SPEF2: variants seen among roughly 807,000 people sequenced by gnomAD.
SPEF2 encodes sperm flagella and cilia-associated protein 2.
SPEF2 carries 187 observed loss-of-function variants against 224.6 expected under a neutral mutation model. The ratio of observed to expected loss-of-function variants is 0.83; its 90% CI spans 0.74 to 0.94. The LOEUF is 0.94. Ranked by LOEUF, SPEF2 falls within the 40% of genes least tolerant of loss-of-function variation. SPEF2 has a pLI of 0.00. For synonymous variants in SPEF2, 715 were observed against 707.3 expected (o/e 1.01, Z -0.17); for missense variants, 2,170 against 2,135.6 (o/e 1.02, Z -0.32).
intron 20 of SPEF2, among the ~76,000 whole-genome samples, chr5:35,719,421 G>A (rs140500470): frequency 6.6e-6 from 1 of 152,150 alleles, no homozygotes; most frequent in South Asian, 2.1e-4. Context: ...TGCATAAAGT[G>A]CAGCAAGAAT....
intron 33 of SPEF2, among the ~76,000 whole-genome samples, chr5:35,797,247 A>G (rs1756789134): frequency 6.6e-6 from 1 of 151,790 alleles, no homozygotes; most frequent in African/African-American, 2.4e-5. Flanking sequence ...GAAAGGAACA[A>G]AGTCAGCAGC....
chr5:35,725,301 G>C (rs1744441643), intron 20 of SPEF2, among the ~76,000 whole-genome samples: 1 of 152,066 alleles, frequency 6.6e-6, no homozygotes, highest in South Asian at 2.1e-4. Context: ...TGACCCCCAA[G>C]GCAATAAGAA....
At position 35,776,267 on chromosome 5, in the gene SPEF2, GC is replaced by G; in HGVS notation, c.4090del (p.Gln1364AsnfsTer6). 6.2e-7 allele frequency: 1 copy of G among 1,603,560 alleles called. No individual in the cohort carries two copies. The highest frequency in any genetic ancestry group is 8.5e-7 in the Non-Finnish European group (1 of 1,176,660). ...TCTCTTTGCAAATAGAAATAGCCACGCAATTTCGACTTGAACTGATAAAGAC... is the reference window on the plus strand; with the variant it reads ...TCTCTTTGCAAATAGAAATAGCCACGAATTTCGACTTGAACTGATAAAGAC... ...AALQFEEIATQFRLELIKTKA... is the reference protein window; with the variant it reads ...AALQFEEIATXFRLELIKTKA... On this transcript the variant is annotated frameshift_variant, in exon 29 of 37. Coordinates refer to ENST00000356031, the MANE Select transcript of SPEF2 (RefSeq NM_024867.4). LOFTEE classifies it high-confidence loss of function.
intron 25 of SPEF2, 126 bp from the exon 26 acceptor site, chr5:35,763,396 C>A (rs1751615939): frequency 1.1e-6 from 1 of 887,540 alleles, no homozygotes; most frequent in Non-Finnish European, 1.6e-6. Context: ...TAAAATAATT[C>A]TTTCAGGAAA....
At chr5:35,710,369 C>T in intron 19 of SPEF2, 1 of 570,122 alleles carries the variant, frequency 1.8e-6, no homozygotes, top group African/African-American at 3.0e-5. Context: ...ACCCCGCTGG[C>T]CAACAGGGCA....
At chr5:35,672,986 T>C (rs1371194978) in intron 10 of SPEF2, among the ~76,000 whole-genome samples, 1 of 152,216 alleles carries the variant, frequency 6.6e-6, no homozygotes, top group East Asian at 1.9e-4. Context: ...CTTAACTTTA[T>C]TTCCTAAATC....
intron 7 of SPEF2, among the ~76,000 whole-genome samples, chr5:35,656,441 A>G (rs1445722023): frequency 6.6e-6 from 1 of 152,174 alleles, no homozygotes; most frequent in African/African-American, 2.4e-5. Context: ...TCTTTATTCA[A>G]TCAGTTTGGT....
chr5:35,652,365 T>TTA (rs1369681861), intron 6 of SPEF2, among the ~76,000 whole-genome samples: 10 of 152,144 alleles, frequency 6.6e-5, no homozygotes, highest in Non-Finnish European at 1.5e-4. Flanking sequence ...CACAACACAC[T>TTA]TAAGTACAAA....
Position 35,773,933 on chromosome 5 carries a change from A to G in SPEF2, c.3990A>G (p.Val1330=), listed in dbSNP as rs1753236593. ...PPMAEATPVI[V]TTEEIAEIKR... ...TGGCAGAAGCAACTCCTGTCATAGT[A>G]ACAACAGAGGAAATTGCTGAAATCA... Residue 1330 remains valine, a synonymous_variant, in exon 28 of 37, where the codon GTA becomes GTG. Coordinates refer to ENST00000356031, the MANE Select transcript of SPEF2 (RefSeq NM_024867.4). The G allele has an allele frequency of 1.9e-6, 3 of 1,613,278 alleles. No individual in the cohort carries two copies. The highest frequency in any genetic ancestry group is 2.7e-5 in the African/African-American group (2 of 74,874).
At chr5:35,724,008 C>T (rs556569726) in intron 20 of SPEF2, among the ~76,000 whole-genome samples, 1 of 152,214 alleles carries the variant, frequency 6.6e-6, no homozygotes, top group South Asian at 2.1e-4. Context: ...AACAAACTAC[C>T]TCTTATAAAG....
rs952820075 is a variant in SPEF2, at chr5:35,617,890, C to A, written c.-108C>A. The A allele has an allele frequency of 1.0e-5, 11 of 1,061,346 alleles. No individual in the cohort carries two copies. The highest frequency in any genetic ancestry group is 4.0e-5 in the Admixed American group (2 of 50,082). 65.7% of individuals were successfully genotyped at this position (1,061,346 alleles called of 1,614,324 possible). A position where few individuals can be genotyped will look rare whatever the true frequency, so the allele number is the denominator to read the frequency against. ...TTCGCCTAGTTCCAGCCTGGATACG[C>A]TTCCATAGCAAAGGGTTGCCCTTGG... is the stretch of plus-strand genomic sequence containing the variant. On this transcript the variant is annotated 5_prime_UTR_variant, in exon 1 of 37. Transcript: ENST00000356031.
intron 34 of SPEF2, among the ~76,000 whole-genome samples, chr5:35,804,725 A>G (rs1240924089): frequency 3.3e-5 from 5 of 151,410 alleles, no homozygotes; most frequent in Admixed American, 6.6e-5. Flanking sequence ...TTAAAAAAAA[A>G]TCATTTATTC....
chr5:35,618,578 A>T (rs1281039265), intron 1 of SPEF2, among the ~76,000 whole-genome samples: 1 of 152,166 alleles, frequency 6.6e-6, no homozygotes, highest in Admixed American at 6.5e-5. Context: ...AATGCTTTCC[A>T]TACTTAACTG....
At chr5:35,648,054 G>T (rs948007495) in intron 5 of SPEF2, among the ~76,000 whole-genome samples, 1 of 152,154 alleles carries the variant, frequency 6.6e-6, no homozygotes, top group African/African-American at 2.4e-5. Flanking sequence ...ATGTCAAGCT[G>T]TGGATTGGGC....
chr5:35,625,488 T>G (rs944642773), intron 1 of SPEF2, among the ~76,000 whole-genome samples: 1 of 152,086 alleles, frequency 6.6e-6, no homozygotes, highest in Non-Finnish European at 1.5e-5. Context: ...ACAGGCACAG[T>G]GCAAACCCCA....
At chr5:35,766,521 TTTA>T (rs1752110836) in intron 26 of SPEF2, among the ~76,000 whole-genome samples, 1 of 152,054 alleles carries the variant, frequency 6.6e-6, no homozygotes, top group Non-Finnish European at 1.5e-5. Context: ...ACTTCTGATG[TTTA>T]TTATTTGTGC....
intron 21 of SPEF2, 96 bp from the exon 22 acceptor site, chr5:35,739,823 A>G (rs1427033711): frequency 7.0e-7 from 1 of 1,431,654 alleles, no homozygotes; most frequent in Non-Finnish European, 9.5e-7. Flanking sequence ...TTGCAGTTGC[A>G]TCTTGACCTT....
intron 28 of SPEF2, among the ~76,000 whole-genome samples, chr5:35,774,255 C>T (rs1055106543): frequency 2.6e-5 from 4 of 152,014 alleles, no homozygotes; most frequent in Admixed American, 1.3e-4. Flanking sequence ...ACTGATGACA[C>T]GATCTCAAAA....
chr5:35,689,752 C>T (rs1443188003), intron 10 of SPEF2, among the ~76,000 whole-genome samples: 3 of 152,112 alleles, frequency 2.0e-5, no homozygotes, highest in African/African-American at 7.2e-5. Context: ...CCATTCCACC[C>T]TTCATGGGCA....
Sources: allele counts gnomAD v4.1 joint callset (sites outside exome capture counted in the v4.1 genomes callset), GRCh38; gene constraint gnomAD v4.1.1; transcripts MANE v1.5; gene names NCBI Gene and HGNC (gene_info 2026-07-23, HGNC 2026-07-21).